Variants in PPARG observed in about 807,000 individuals in gnomAD.
The protein encoded by PPARG is peroxisome proliferator activated receptor gamma, also known as peroxisome proliferator-activated receptor gamma.
PPARG carries 17 observed loss-of-function variants against 39.2 expected under a neutral mutation model. The ratio of observed to expected loss-of-function variants is 0.43; its 90% CI spans 0.30 to 0.65. PPARG has a LOEUF of 0.65. PPARG is among the 30% of genes least tolerant of loss of function. PPARG has a pLI of 0.13. For synonymous variants in PPARG, 223 were observed against 215.7 expected, an observed-to-expected ratio of 1.03 and a Z score of -0.30; for missense variants, 406 against 585.9, an observed-to-expected ratio of 0.69 and a Z score of 3.17.
intron 1 of PPARG, among the ~76,000 whole-genome samples, chr3:12,298,939 G>T (rs2046860812): frequency 6.6e-6 from 1 of 152,194 alleles, no homozygotes; most frequent in South Asian, 2.1e-4. Context: ...GGGTTTAAGT[G>T]ATCCTCCCAC....
intron 4 of PPARG, among the ~76,000 whole-genome samples, chr3:12,388,268 C>G (rs1367767845): frequency 6.6e-6 from 1 of 152,162 alleles, no homozygotes; most frequent in Non-Finnish European, 1.5e-5. Flanking sequence ...TAAGACATTG[C>G]TGATCTCACA....
intron 4 of PPARG, among the ~76,000 whole-genome samples, chr3:12,385,155 A>G (rs1039525268): frequency 6.6e-6 from 1 of 152,196 alleles, no homozygotes; most frequent in Non-Finnish European, 1.5e-5. Flanking sequence ...ACTCATCTGC[A>G]TGTATTTTCT....
chr3:12,378,173 A>G (rs970727641), intron 2 of PPARG, among the ~76,000 whole-genome samples: 1 of 152,204 alleles, frequency 6.6e-6, no homozygotes, highest in African/African-American at 2.4e-5. Flanking sequence ...GTTGGCAGGA[A>G]TGTAAATTGG....
intron 1 of PPARG, among the ~76,000 whole-genome samples, chr3:12,296,612 A>T: frequency 6.6e-6 from 1 of 152,138 alleles, no homozygotes; most frequent in East Asian, 1.9e-4. Context: ...AACTACCCCC[A>T]TTGACCTATC....
chr3:12,428,929 T>C (rs1040902587), intron 7 of PPARG, among the ~76,000 whole-genome samples: 2 of 151,368 alleles, frequency 1.3e-5, no homozygotes, highest in East Asian at 2.0e-4. Flanking sequence ...TCTTTGAGAT[T>C]ATCTATTTAG....
chr3:12,320,749 G>A (rs912462027), intron 2 of PPARG, among the ~76,000 whole-genome samples: 18 of 152,046 alleles, frequency 1.2e-4, no homozygotes, highest in South Asian at 6.2e-4. Flanking sequence ...GCATGGTGGC[G>A]CCCGCCAGTA....
intron 5 of PPARG, among the ~76,000 whole-genome samples, chr3:12,402,386 C>T (rs1406588179): frequency 1.3e-4 from 20 of 152,034 alleles, no homozygotes. Flanking sequence ...TCCTAATGGA[C>T]ATAGTGTCTC....
At chr3:12,405,596 A>C (rs2050630610) in intron 5 of PPARG, among the ~76,000 whole-genome samples, 1 of 152,236 alleles carries the variant, frequency 6.6e-6, no homozygotes, top group Admixed American at 6.5e-5. Context: ...TTTCACGTTT[A>C]AGTCGACATA....
At chr3:12,368,374 G>T (rs936494844) in intron 2 of PPARG, among the ~76,000 whole-genome samples, 6 of 151,606 alleles carry the variant, frequency 4.0e-5, no homozygotes, top group Admixed American at 2.0e-4. Flanking sequence ...TAGAGACAGG[G>T]TTTCACCATG....
intron 2 of PPARG, among the ~76,000 whole-genome samples, chr3:12,339,306 G>A (rs1355242552): frequency 1.3e-5 from 2 of 152,178 alleles, no homozygotes; most frequent in African/African-American, 4.8e-5. Flanking sequence ...GTCTGGGATT[G>A]GGGGTAGTAA....
intron 2 of PPARG, among the ~76,000 whole-genome samples, chr3:12,343,072 G>C (rs978862579): frequency 1.3e-5 from 2 of 152,152 alleles, no homozygotes; most frequent in African/African-American, 2.4e-5. Flanking sequence ...TGTGCACACA[G>C]AACTCTGCCA....
At chr3:12,317,773 A>T (rs773004928) in intron 2 of PPARG, among the ~76,000 whole-genome samples, 2 of 152,170 alleles carry the variant, frequency 1.3e-5, no homozygotes, top group East Asian at 1.9e-4. Context: ...TGACATTTCA[A>T]ATTGCTTGGA....
At chr3:12,291,618 A>C (rs1272468313) in intron 1 of PPARG, among the ~76,000 whole-genome samples, 1 of 152,200 alleles carries the variant, frequency 6.6e-6, no homozygotes, top group Admixed American at 6.5e-5. Flanking sequence ...AAATCTATTC[A>C]GATGCAATAG....
chr3:12,302,005 G>A (rs963219375), intron 1 of PPARG, among the ~76,000 whole-genome samples: 3 of 152,328 alleles, frequency 2.0e-5, no homozygotes, highest in African/African-American at 7.2e-5. Context: ...ATTATCATCT[G>A]CGTGAGCCAA....
intron 2 of PPARG, among the ~76,000 whole-genome samples, chr3:12,367,482 C>G (rs182958533): frequency 6.6e-6 from 1 of 152,072 alleles, no homozygotes; most frequent in Admixed American, 6.5e-5. Flanking sequence ...TTTCTGTGTC[C>G]TGATACCTCA....
rs764381653 is a variant in PPARG, at chr3:12,392,665, C to A, written c.442C>A (p.Leu148Ile). The change falls in exon 5 of 8, where the codon CTT becomes ATT. Residue 148 changes from leucine to isoleucine, a missense_variant. This residue lies in a region of PPARG where 275 missense variants were observed against 458.0 expected (regional missense o/e 0.60). Transcript: ENST00000651735. ...RLKLIYDRCD[L>I]NCRIHKKSRN... is the part of the protein sequence containing the mutation. ...GAAGCTTATCTATGACAGATGTGAT[C>A]TTAACTGTCGGATCCACAAAAAAAG... The A allele has an allele frequency of 3.3e-5, 54 of 1,613,780 alleles. No homozygotes were observed. The highest frequency in any genetic ancestry group is 3.4e-6 in the Non-Finnish European group (4 of 1,179,846).
At chr3:12,317,983 T>C (rs1332726765) in intron 2 of PPARG, among the ~76,000 whole-genome samples, 1 of 152,168 alleles carries the variant, frequency 6.6e-6, no homozygotes, top group African/African-American at 2.4e-5. Context: ...TTTTTATTTT[T>C]ATTCTTTAGA....
intron 2 of PPARG, among the ~76,000 whole-genome samples, chr3:12,351,141 C>T (rs1313771739): frequency 6.6e-6 from 1 of 152,150 alleles, no homozygotes; most frequent in African/African-American, 2.4e-5. Flanking sequence ...TCTGGTATTT[C>T]ATAAGCAAGA....
At chr3:12,289,282 A>T (rs1264208398) in intron 1 of PPARG, 148 bp downstream of exon 1, 1 of 152,234 alleles carries the variant, frequency 6.6e-6, no homozygotes, top group East Asian at 1.9e-4. Context: ...GTCATAGGCT[A>T]ACGGTTGTAA....
Sources: allele counts gnomAD v4.1 joint callset (sites outside exome capture counted in the v4.1 genomes callset), GRCh38; gene constraint gnomAD v4.1.1; regional missense constraint gnomAD v4.1.1; transcripts MANE v1.5; gene names NCBI Gene and HGNC (gene_info 2026-07-23, HGNC 2026-07-21).